Variants in UBE4B observed in about 807,000 individuals in gnomAD.
UBE4B encodes the protein ubiquitination factor E4B, also known as ubiquitin conjugation factor E4 B.
Under a neutral mutation model 148.1 loss-of-function variants are expected in UBE4B, and 27 were observed. That is an observed-to-expected ratio of 0.18 (90% CI 0.13 to 0.25). UBE4B has a LOEUF of 0.25. Ranked by LOEUF, UBE4B falls within the 10% of genes least tolerant of loss-of-function variation. The probability of loss-of-function intolerance (pLI) is 1.00; values close to 1 mark genes in which losing one functional copy is unlikely to be tolerated. For missense variants in UBE4B, 1,170 were observed against 1,662.4 expected (o/e 0.70, Z 5.15); for synonymous variants, 596 against 619.3 (o/e 0.96, Z 0.56).
At chr1:10,126,987 T>A in intron 11 of UBE4B, 110 bp downstream of exon 11, 1 of 985,794 alleles carries the variant, frequency 1.0e-6, no homozygotes, top group Non-Finnish European at 1.6e-6. Context: ...TTTTCAAATT[T>A]AAAACATGAA....
At chr1:10,097,781 G>T (rs1247176341) in intron 3 of UBE4B, among the ~76,000 whole-genome samples, 1 of 152,004 alleles carries the variant, frequency 6.6e-6, no homozygotes, top group Non-Finnish European at 1.5e-5. Flanking sequence ...CTGCACTCCA[G>T]CTTGGGCAAC....
chr1:10,121,694 A>G (rs75693735), intron 9 of UBE4B, among the ~76,000 whole-genome samples: 2,638 of 152,182 alleles, frequency 0.017, 34 homozygotes, highest in Non-Finnish European at 0.027. Context: ...GTGCCTGGCC[A>G]TGCTTCCTTT....
At chr1:10,069,871 C>G (rs1193415130) in intron 1 of UBE4B, among the ~76,000 whole-genome samples, 1 of 152,082 alleles carries the variant, frequency 6.6e-6, no homozygotes, top group Non-Finnish European at 1.5e-5. Context: ...AAGCAGAGAG[C>G]TGTTAAGTGA....
intron 2 of UBE4B, 180 bp downstream of exon 2, chr1:10,072,394 C>A: frequency 1.3e-6 from 1 of 758,602 alleles, no homozygotes; most frequent in Non-Finnish European, 2.2e-6. Flanking sequence ...TTTTTTATTG[C>A]AATCTGTTAA....
intron 7 of UBE4B, chr1:10,107,308 A>G (rs556813813): frequency 9.5e-5 from 122 of 1,289,364 alleles, no homozygotes; most frequent in Non-Finnish European, 1.2e-4. Context: ...GATGATGATG[A>G]TGGTGATGGT....
Position 10,046,952 on chromosome 1 carries a change from G to A in UBE4B, c.24+13258G>A, listed in dbSNP as rs1159603134. Among the ~76,000 whole-genome samples, 3 of 152,206 alleles carry A rather than the reference G, an allele frequency of 2.0e-5. No homozygotes were observed. The East Asian group carries it at 5.8e-4, about 29-fold the overall frequency. ...TCATGTTTGCAGGACTTCTTAGCCA[G>A]TAAGCACCAAATTTTGTATTGTTCG... On this transcript the variant is annotated intron_variant, in intron 1 of 27. Transcript: ENST00000343090.
In UBE4B at chr1:10,095,504, C is replaced by T. The variant is rs1235961051; in HGVS notation, c.255C>T (p.Leu85=). ...RSQSSEGVSS[L]SSSPSNSLET... ...AGAGCAGTGAAGGAGTCAGTTCTCT[C>T]AGCAGCTCGCCCTCTAATAGCCTTG... Residue 85 remains leucine, a synonymous_variant, in exon 3 of 28, where the codon CTC becomes CTT. Transcript: ENST00000343090. 1 of 1,614,160 alleles carries T rather than the reference C, an allele frequency of 6.2e-7. No homozygotes were observed. Among genetic ancestry groups the T allele is most frequent in the South Asian group, 1.1e-5 (1 of 91,084 alleles).
At chr1:10,075,130 C>G (rs1644556545) in intron 2 of UBE4B, among the ~76,000 whole-genome samples, 1 of 152,164 alleles carries the variant, frequency 6.6e-6, no homozygotes. Flanking sequence ...GCTTTGGAGG[C>G]TGTGAGGTTA....
At chr1:10,099,098 C>T (rs1170613504) in intron 3 of UBE4B, among the ~76,000 whole-genome samples, 6 of 151,842 alleles carry the variant, frequency 4.0e-5, no homozygotes, top group Admixed American at 2.0e-4. Context: ...AAAAATTAGC[C>T]GGGCATGGTG....
At chr1:10,118,821 TG>T (rs1432324020) in intron 8 of UBE4B, among the ~76,000 whole-genome samples, 3 of 150,980 alleles carry the variant, frequency 2.0e-5, no homozygotes, top group Non-Finnish European at 3.0e-5. Flanking sequence ...CTAATTTTTA[TG>T]TTTTTTTTAG....
At chr1:10,178,947 C>T in intron 26 of UBE4B, 129 bp downstream of exon 26, 2 of 1,001,750 alleles carry the variant, frequency 2.0e-6, no homozygotes, top group Non-Finnish European at 2.8e-6. Context: ...GACAATCTGT[C>T]TTAAATTACA....
At chr1:10,087,556 G>A (rs991636810) in intron 2 of UBE4B, among the ~76,000 whole-genome samples, 4 of 152,200 alleles carry the variant, frequency 2.6e-5, no homozygotes, top group African/African-American at 7.2e-5. Context: ...TTTGTAGAAT[G>A]TCCCTTAATT....
intron 22 of UBE4B, among the ~76,000 whole-genome samples, chr1:10,160,386 T>TCTAGTCTGGAAGAAGTGTTTTCTCTC (rs2102008037): frequency 6.6e-6 from 1 of 152,320 alleles, no homozygotes; most frequent in South Asian, 2.1e-4. Context: ...TTTTTCCTGT[T>TCTAGTCTGGAAGAAGTGTTTTCTCTC]CTAGTCTGGA....
intron 25 of UBE4B, 21 bp from the exon 26 acceptor site, chr1:10,178,623 A>G (rs979915958): frequency 6.4e-7 from 1 of 1,570,150 alleles, no homozygotes; most frequent in Non-Finnish European, 8.6e-7. Flanking sequence ...TACGTCTCAC[A>G]TTGCCATTCC....
At position 10,155,233 on chromosome 1, in the gene UBE4B, C is replaced by G. The variant is rs76119640; in HGVS notation, c.2927-3123C>G. Among the ~76,000 whole-genome samples the G allele has an allele frequency of 7.4e-3, 1,126 of 152,274 alleles. 7 individuals are homozygous for G. The highest frequency in any genetic ancestry group is 0.012 in the Non-Finnish European group (791 of 68,022). ...GGGTGGGGGTTGTTCTCTCTTTCCTCTTTGCCATGTGTGCCCTCTGGCCTG... is the reference window on the plus strand; with the variant it reads ...GGGTGGGGGTTGTTCTCTCTTTCCTGTTTGCCATGTGTGCCCTCTGGCCTG... On this transcript the variant is annotated intron_variant, in intron 21 of 27. Coordinates refer to ENST00000343090, the MANE Select transcript of UBE4B (RefSeq NM_001105562.3).
chr1:10,124,361 C>G (rs1645458264), intron 10 of UBE4B, among the ~76,000 whole-genome samples: 1 of 152,142 alleles, frequency 6.6e-6, no homozygotes, highest in Admixed American at 6.6e-5. Flanking sequence ...GAAGTTTTGT[C>G]ATGTTGGCCA....
rs1557608093 is a variant in UBE4B, at chr1:10,161,916, TGG to T, written c.3198+631_3198+632del. ...GGCTTAGGTTTATTGATTCTGTTCT[TGG>T]AATTGTCAGGCTCAGAATCAGAACT... On this transcript the variant is annotated intron_variant, in intron 23 of 27. Coordinates refer to ENST00000343090, the MANE Select transcript of UBE4B (RefSeq NM_001105562.3). The surrounding 1 kb of genome is among the most constrained non-coding windows in gnomAD (Gnocchi z 4.1). Among the ~76,000 whole-genome samples, 1 of 152,136 alleles carries T rather than the reference TGG, an allele frequency of 6.6e-6. No individual in the cohort carries two copies. Among genetic ancestry groups the T allele is most frequent in the Non-Finnish European group, 1.5e-5 (1 of 68,024 alleles).
intron 7 of UBE4B, among the ~76,000 whole-genome samples, chr1:10,114,384 T>C (rs1645272485): frequency 6.6e-6 from 1 of 152,186 alleles, no homozygotes; most frequent in Non-Finnish European, 1.5e-5. Context: ...AAGATAGATA[T>C]TTATTTTTTC....
At position 10,132,524 on chromosome 1, in the gene UBE4B, A is replaced by G. The variant is rs769947436; in HGVS notation, c.2025+42A>G. ...CTGCTTTTCGCTGTTTGTCAAATTC[A>G]TTCATCTGACCCAGATTTAGTCAGC... On this transcript the variant is annotated intron_variant, in intron 15 of 27. Transcript: ENST00000343090. 19 of 1,571,024 alleles carry G rather than the reference A, an allele frequency of 1.2e-5. No individual in the cohort carries two copies. In the Admixed American group the frequency reaches 2.5e-4, roughly 21 times the overall value.
Sources: allele counts gnomAD v4.1 joint callset (sites outside exome capture counted in the v4.1 genomes callset), GRCh38; gene constraint gnomAD v4.1.1; non-coding constraint Gnocchi (gnomAD v3.1); transcripts MANE v1.5; gene names NCBI Gene and HGNC (gene_info 2026-07-23, HGNC 2026-07-21).